The following RBM20 variants were observed in gnomAD, a reference collection of about 807,000 sequenced individuals.
RBM20 encodes RNA-binding protein 20.
In RBM20, 51 loss-of-function variants were observed where a neutral mutation model predicts 110.1. That is an observed-to-expected ratio of 0.46 (90% CI 0.37 to 0.59). RBM20 has a LOEUF of 0.59. Ranked by LOEUF, RBM20 falls within the 20% of genes least tolerant of loss-of-function variation. The pLI is 0.00. For missense variants in RBM20, 1,512 were observed against 1,574.9 expected, an observed-to-expected ratio of 0.96 and a Z score of 0.68; for synonymous variants, 589 against 618.2, an observed-to-expected ratio of 0.95 and a Z score of 0.70.
chr10:110,659,521 T>C (rs972517888), intron 1 of RBM20, among the ~76,000 whole-genome samples: 3 of 152,156 alleles, frequency 2.0e-5, no homozygotes, highest in African/African-American at 7.2e-5. Context: ...AGAGGCCAGA[T>C]TGTGTGCAGG....
At chr10:110,812,107 A>G (rs963559072) in intron 8 of RBM20, among the ~76,000 whole-genome samples, 171 bp from the exon 9 acceptor site, 1 of 152,154 alleles carries the variant, frequency 6.6e-6, no homozygotes, top group Non-Finnish European at 1.5e-5. Context: ...GCCAGAAGGG[A>G]GGAAAAGGCT....
In RBM20 at chr10:110,823,584, G is replaced by A. The variant is rs763938011; in HGVS notation, c.3421G>A (p.Asp1141Asn). The change falls in exon 12 of 14, where the codon GAT becomes AAT. Residue 1141 changes from aspartate (D) to asparagine (N), a missense_variant. Asp to Asn is a conservative substitution (Grantham distance 23). Coordinates refer to ENST00000369519, the MANE Select transcript of RBM20 (RefSeq NM_001134363.3). ...PLSLPSWEPE[D>N]VFSELSIPLG... ...TTCTTTGCCCTCTTGGGAACCAGAGGATGTGTTCAGTGAACTTAGCATTCC... is the reference window on the plus strand; with the variant it reads ...TTCTTTGCCCTCTTGGGAACCAGAGAATGTGTTCAGTGAACTTAGCATTCC... 1.9e-6 allele frequency: 3 copies of A among 1,551,606 alleles called. No individual in the cohort carries two copies. Among genetic ancestry groups the A allele is most frequent in the Non-Finnish European group, 1.7e-6 (2 of 1,146,966 alleles).
intron 1 of RBM20, among the ~76,000 whole-genome samples, chr10:110,701,869 G>C (rs1422764362): frequency 1.3e-5 from 2 of 152,228 alleles, no homozygotes; most frequent in Non-Finnish European, 2.9e-5. Context: ...GAGCCTGTGG[G>C]CTTGATGCTG....
chr10:110,833,390 G>GAAAAAAGAAAAAAAAA (rs1845081541), intron 13 of RBM20, among the ~76,000 whole-genome samples: 1 of 62,202 alleles, frequency 1.6e-5, no homozygotes, highest in African/African-American at 5.9e-5. Flanking sequence ...CTCTGTCTCA[G>GAAAAAAGAAAAAAAAA]AAAAAAAAAA....
intron 1 of RBM20, among the ~76,000 whole-genome samples, chr10:110,749,567 C>G (rs1264457259): frequency 1.3e-5 from 2 of 152,082 alleles, no homozygotes; most frequent in Non-Finnish European, 2.9e-5. Context: ...AATATCCCAA[C>G]AGGATTTATC....
At chr10:110,724,519 A>G (rs10749049) in intron 1 of RBM20, among the ~76,000 whole-genome samples, 106,082 of 152,072 alleles carry the variant, frequency 0.7, 37,480 homozygotes, top group East Asian at 1. Flanking sequence ...AGCAGGAACC[A>G]TTGACTTGAA....
chr10:110,777,923 C>T (rs562882105), intron 1 of RBM20, among the ~76,000 whole-genome samples: 1 of 152,348 alleles, frequency 6.6e-6, no homozygotes, highest in South Asian at 2.1e-4. Context: ...AAGAGTTGGC[C>T]CTGTGTGGCC....
At chr10:110,676,607 TAG>T (rs1862343585) in intron 1 of RBM20, among the ~76,000 whole-genome samples, 1 of 152,250 alleles carries the variant, frequency 6.6e-6, no homozygotes, top group South Asian at 2.1e-4. Context: ...TCTGCAATTG[TAG>T]AGTTTTTCTT....
At chr10:110,832,169 G>T (rs1845064723) in intron 13 of RBM20, among the ~76,000 whole-genome samples, 1 of 152,142 alleles carries the variant, frequency 6.6e-6, no homozygotes, top group African/African-American at 2.4e-5. Context: ...TCTGGCATGG[G>T]CTAGGTTTTG....
intron 1 of RBM20, among the ~76,000 whole-genome samples, chr10:110,688,590 T>G (rs1011218311): frequency 5.3e-5 from 8 of 152,174 alleles, no homozygotes; most frequent in African/African-American, 1.9e-4. Flanking sequence ...CTTGGTGCAT[T>G]ATCAAACATC....
intron 12 of RBM20, among the ~76,000 whole-genome samples, chr10:110,828,952 C>T (rs984056404): frequency 6.6e-6 from 1 of 152,134 alleles, no homozygotes; most frequent in African/African-American, 2.4e-5. Flanking sequence ...CAGCTCAATC[C>T]CTGCTTCAGG....
Position 110,784,335 on chromosome 10 carries a change from C to A in RBM20, c.1338-6C>A. ...GGAGCCGGTTTCCCTTTCTCGCCCT[C>A]TCCAGTGCTGGCATCCGGTGTATAC... On this transcript the variant is annotated splice_polypyrimidine_tract_variant and splice_region_variant and intron_variant, in intron 3 of 13. Transcript: ENST00000369519. 2 of 1,548,778 alleles carry A rather than the reference C, an allele frequency of 1.3e-6. No individual in the cohort carries two copies. The highest frequency in any genetic ancestry group is 1.7e-6 in the Non-Finnish European group (2 of 1,144,862).
At chr10:110,779,606 A>G (rs1021227825) in intron 1 of RBM20, among the ~76,000 whole-genome samples, 1 of 152,160 alleles carries the variant, frequency 6.6e-6, no homozygotes, top group Non-Finnish European at 1.5e-5. Context: ...TTGACATCCA[A>G]AGTGGGGGGA....
In RBM20 at chr10:110,644,585, C is replaced by A. The variant is rs563500712; in HGVS notation, c.131C>A (p.Pro44Gln). 2.1e-4 allele frequency: 322 copies of A among 1,510,006 alleles called. 5 individuals carry two copies. In the South Asian group the frequency reaches 3.8e-3, roughly 18 times the overall value. The allele number at this position is 1,510,006 out of a possible 1,614,324, so 93.5% of individuals were successfully genotyped here. A position where few individuals can be genotyped will look rare whatever the true frequency, so the allele number is the denominator to read the frequency against. Residue 44 changes from proline (P) to glutamine (Q), a missense_variant, in exon 1 of 14, where the codon CCG becomes CAG. Physicochemically the swap from Pro to Gln is moderately conservative, Grantham distance 76 (BLOSUM62 -1). This residue lies in a region of RBM20 where 1,149 missense variants were observed against 1,169.4 expected (regional missense o/e 0.98). Coordinates refer to ENST00000369519, the MANE Select transcript of RBM20 (RefSeq NM_001134363.3). The surrounding 1 kb of genome is among the most constrained non-coding windows in gnomAD (Gnocchi z 4.3). ...APSGPRGMQQ[P>Q]PPPPQPPPPP... Reference sequence around the variant, plus strand: ...TCCGGCCCGCGAGGGATGCAGCAGCCGCCGCCGCCGCCCCAGCCACCGCCC... The same window carrying A: ...TCCGGCCCGCGAGGGATGCAGCAGCAGCCGCCGCCGCCCCAGCCACCGCCC...
chr10:110,733,976 C>A (rs1335945968), intron 1 of RBM20, among the ~76,000 whole-genome samples: 4 of 152,110 alleles, frequency 2.6e-5, no homozygotes, highest in African/African-American at 9.7e-5. Flanking sequence ...ATTATACCTG[C>A]GAATGTCTGT....
intron 1 of RBM20, among the ~76,000 whole-genome samples, chr10:110,686,717 G>A (rs1264148304): frequency 6.6e-6 from 1 of 152,044 alleles, no homozygotes; most frequent in Non-Finnish European, 1.5e-5. Context: ...CTGCTTATAG[G>A]CATTTCTATC....
chr10:110,774,048 G>A (rs1486450079), intron 1 of RBM20, among the ~76,000 whole-genome samples: 3 of 152,184 alleles, frequency 2.0e-5, no homozygotes, highest in African/African-American at 7.2e-5. Context: ...TGGCCTTACA[G>A]TTTAAAAACC....
intron 1 of RBM20, among the ~76,000 whole-genome samples, chr10:110,700,079 T>C (rs1354625498): frequency 3.3e-5 from 5 of 152,212 alleles, no homozygotes; most frequent in Non-Finnish European, 7.3e-5. Context: ...GAATTTTCCA[T>C]GTAATATTTT....
chr10:110,698,129 CG>C (rs1328547154), intron 1 of RBM20, among the ~76,000 whole-genome samples: 3 of 152,114 alleles, frequency 2.0e-5, no homozygotes, highest in Non-Finnish European at 4.4e-5. Context: ...AGGATAGTCT[CG>C]ATCTCCTGAC....
Sources: gnomAD v4.1 joint callset for allele counts (sites outside exome capture counted in the v4.1 genomes callset) on GRCh38, gnomAD v4.1.1 for gene constraint, gnomAD v4.1.1 regional missense constraint, Gnocchi (gnomAD v3.1) non-coding constraint, MANE v1.5 for transcripts, NCBI Gene and HGNC (gene_info 2026-07-23, HGNC 2026-07-21) for gene names.